Variants in SLC16A12 observed in about 807,000 individuals in gnomAD.
The protein encoded by SLC16A12 is monocarboxylate transporter 12.
In SLC16A12, 17 loss-of-function variants were observed where a neutral mutation model predicts 42.4. The ratio of observed to expected loss-of-function variants is 0.40; its 90% CI spans 0.27 to 0.60. The LOEUF is 0.60. SLC16A12 is among the 20% of genes least tolerant of loss of function. The pLI is 0.42. For synonymous variants in SLC16A12, 224 were observed against 229.4 expected, an observed-to-expected ratio of 0.98 and a Z score of 0.21; for missense variants, 544 against 623.0, an observed-to-expected ratio of 0.87 and a Z score of 1.35.
Position 89,464,002 on chromosome 10 carries a change from G to A in SLC16A12, c.-46-1378C>T, listed in dbSNP as rs560739397. Among the ~76,000 whole-genome samples, 29 of 152,222 alleles carry A rather than the reference G, an allele frequency of 1.9e-4. No homozygotes were observed. The South Asian group carries it at 3.5e-3, about 19-fold the overall frequency. On this transcript the variant is annotated intron_variant, in intron 2 of 7. Transcript: ENST00000371790. ...GCACCTGTGATGGAACCTGACTCTC[G>A]TAATTATGTCACGTTATATATGACT...
At chr10:89,441,427 T>A (rs2133693549) in intron 4 of SLC16A12, among the ~76,000 whole-genome samples, 176 bp from the exon 5 acceptor site, 1 of 152,230 alleles carries the variant, frequency 6.6e-6, no homozygotes, top group Non-Finnish European at 1.5e-5. Flanking sequence ...GTCCCACAGA[T>A]AATAAGCAGC....
intron 2 of SLC16A12, among the ~76,000 whole-genome samples, chr10:89,530,978 T>C (rs939648573): frequency 1.7e-4 from 26 of 152,354 alleles, no homozygotes; most frequent in African/African-American, 5.8e-4. Flanking sequence ...GGTTCATCCA[T>C]GTCGCAGCAT....
At chr10:89,510,409 A>G (rs571830830) in intron 2 of SLC16A12, among the ~76,000 whole-genome samples, 2 of 152,186 alleles carry the variant, frequency 1.3e-5, no homozygotes, top group Non-Finnish European at 2.9e-5. Flanking sequence ...GGAACGGAAC[A>G]GAGGCCTCAG....
chr10:89,512,999 G>A (rs1209807446), intron 2 of SLC16A12, among the ~76,000 whole-genome samples: 1 of 152,072 alleles, frequency 6.6e-6, no homozygotes, highest in East Asian at 1.9e-4. Flanking sequence ...GAGAACTGGA[G>A]GACTACTCAG....
At chr10:89,443,949 C>G in intron 3 of SLC16A12, 90 bp from the exon 4 acceptor site, 1 of 827,320 alleles carries the variant, frequency 1.2e-6, no homozygotes, top group Non-Finnish European at 2.0e-6. Context: ...ATTAGCTGCT[C>G]CTGTTTCCAA....
At chr10:89,513,579 C>T (rs1467612524) in intron 2 of SLC16A12, among the ~76,000 whole-genome samples, 2 of 151,998 alleles carry the variant, frequency 1.3e-5, no homozygotes, top group African/African-American at 4.8e-5. Context: ...ATGATTAATA[C>T]TTAATATATT....
chr10:89,450,366 T>C (rs1842075123), intron 3 of SLC16A12, among the ~76,000 whole-genome samples: 1 of 152,174 alleles, frequency 6.6e-6, no homozygotes, highest in Admixed American at 6.5e-5. Context: ...AAGCCAAATG[T>C]CCATCAATGA....
intron 2 of SLC16A12, among the ~76,000 whole-genome samples, chr10:89,505,393 A>C (rs1270701532): frequency 6.6e-6 from 1 of 152,104 alleles, no homozygotes; most frequent in African/African-American, 2.4e-5. Context: ...CCTGCACTCC[A>C]ACCTGGGTGA....
chr10:89,518,620 A>T (rs1843296799), intron 2 of SLC16A12, among the ~76,000 whole-genome samples: 2 of 152,258 alleles, frequency 1.3e-5, no homozygotes, highest in Admixed American at 6.5e-5. Context: ...GAAGAAAAGC[A>T]AAGAACATGC....
intron 2 of SLC16A12, among the ~76,000 whole-genome samples, chr10:89,542,579 C>T (rs1564605318): frequency 6.6e-6 from 1 of 152,142 alleles, no homozygotes; most frequent in Non-Finnish European, 1.5e-5. Context: ...TCTGGGATTA[C>T]ACGTGTGAGC....
intron 3 of SLC16A12, among the ~76,000 whole-genome samples, chr10:89,451,357 A>G (rs145343246): frequency 0.014 from 2,200 of 152,266 alleles, 27 homozygotes; most frequent in Non-Finnish European, 0.022. Flanking sequence ...ACACAGTCAC[A>G]TAGAGCCTGG....
intron 2 of SLC16A12, among the ~76,000 whole-genome samples, chr10:89,501,303 T>C (rs1842988436): frequency 6.6e-6 from 1 of 152,148 alleles, no homozygotes; most frequent in African/African-American, 2.4e-5. Context: ...AGAAAAATAA[T>C]TCTAAGCTTC....
chr10:89,505,563 C>A (rs769480385), intron 2 of SLC16A12, among the ~76,000 whole-genome samples: 1 of 152,094 alleles, frequency 6.6e-6, no homozygotes, highest in Non-Finnish European at 1.5e-5. Flanking sequence ...GTTCATCTCA[C>A]TGGGACTGAT....
At chr10:89,470,343 T>C (rs953188949) in intron 2 of SLC16A12, among the ~76,000 whole-genome samples, 11 of 152,152 alleles carry the variant, frequency 7.2e-5, no homozygotes, top group African/African-American at 2.4e-4. Flanking sequence ...TGTGATATGG[T>C]GAAGAGATAG....
intron 2 of SLC16A12, among the ~76,000 whole-genome samples, chr10:89,513,515 C>A (rs1485368690): frequency 6.6e-6 from 1 of 152,080 alleles, no homozygotes; most frequent in Non-Finnish European, 1.5e-5. Flanking sequence ...ATTTCCTCAC[C>A]ATTAAAAATA....
intron 2 of SLC16A12, among the ~76,000 whole-genome samples, chr10:89,546,560 T>C (rs993802128): frequency 1.3e-5 from 2 of 152,154 alleles, no homozygotes; most frequent in African/African-American, 4.8e-5. Context: ...TGTGGAGAAA[T>C]AGGAACACTT....
At chr10:89,446,331 G>A (rs181007856) in intron 3 of SLC16A12, among the ~76,000 whole-genome samples, 3 of 152,220 alleles carry the variant, frequency 2.0e-5, no homozygotes, top group Admixed American at 1.3e-4. Flanking sequence ...TGAAATGAAG[G>A]AAAAAATGTT....
chr10:89,516,452 G>A (rs907308700), intron 2 of SLC16A12, among the ~76,000 whole-genome samples: 7 of 152,194 alleles, frequency 4.6e-5, no homozygotes, highest in African/African-American at 1.7e-4. Flanking sequence ...TTTTAGGAAT[G>A]TAAATACTCT....
chr10:89,496,804 CGTT>C (rs1842927946), intron 2 of SLC16A12, among the ~76,000 whole-genome samples: 1 of 152,006 alleles, frequency 6.6e-6, no homozygotes, highest in South Asian at 2.1e-4. Flanking sequence ...TTTCAAAAGA[CGTT>C]ATTAAGACAA....
Sources: allele counts gnomAD v4.1 joint callset (sites outside exome capture counted in the v4.1 genomes callset), GRCh38; gene constraint gnomAD v4.1.1; transcripts MANE v1.5; gene names NCBI Gene and HGNC (gene_info 2026-07-23, HGNC 2026-07-21).